The following RMND5B variants were observed in gnomAD, a reference collection of about 807,000 sequenced individuals.
RMND5B encodes E3 ubiquitin-protein transferase RMND5B.
In RMND5B, 42 loss-of-function variants were observed where a neutral mutation model predicts 50.4. That is an observed-to-expected ratio of 0.83 (90% CI 0.65 to 1.08). The LOEUF (loss-of-function observed/expected upper bound fraction) is 1.08. Ranked by LOEUF, RMND5B falls within the 50% of genes least tolerant of loss-of-function variation. The pLI is 0.00. For synonymous variants in RMND5B, 220 were observed against 210.0 expected (o/e 1.05, Z -0.41); for missense variants, 463 against 508.5 (o/e 0.91, Z 0.86).
At chr5:178,131,409 G>C (rs139878385) in intron 2 of RMND5B, 33 bp downstream of exon 2, 1 of 152,344 alleles carries the variant, frequency 6.6e-6, no homozygotes, top group African/African-American at 2.4e-5. Flanking sequence ...CTATGGAGCA[G>C]GGTCTTTGGA....
intron 2 of RMND5B, chr5:178,135,204 G>A (rs1441506082): frequency 9.7e-6 from 2 of 206,092 alleles, no homozygotes; most frequent in Non-Finnish European, 2.1e-5. Flanking sequence ...GGAATGCAGT[G>A]GCATAATCAT....
chr5:178,132,561 G>A (rs1758373656), intron 2 of RMND5B, among the ~76,000 whole-genome samples: 1 of 151,730 alleles, frequency 6.6e-6, no homozygotes, highest in Non-Finnish European at 1.5e-5. Flanking sequence ...ACTTACATGT[G>A]TCATGAACTC....
chr5:178,144,739 G>T (rs998762050), intron 7 of RMND5B, among the ~76,000 whole-genome samples: 2 of 110,850 alleles, frequency 1.8e-5, no homozygotes, highest in African/African-American at 3.7e-5. Flanking sequence ...AAAAAGACTT[G>T]TCTGGGTGCG....
chr5:178,135,770 C>T (rs1054861984), intron 2 of RMND5B, among the ~76,000 whole-genome samples: 8 of 152,132 alleles, frequency 5.3e-5, no homozygotes, highest in South Asian at 2.1e-4. Flanking sequence ...TTTGATAAGC[C>T]TGGTAGCTCT....
rs780962604 is a variant in RMND5B, at chr5:178,147,779, C to T, written c.1014C>T (p.Cys338=). Residue 338 remains cysteine, a synonymous_variant, in exon 10 of 11, where the codon TGC becomes TGT. Coordinates refer to ENST00000313386, the MANE Select transcript of RMND5B (RefSeq NM_022762.5). ...MKCWYHSVFA[C]PILRQQTSDS... ...GCTGGTACCACTCCGTGTTCGCTTG[C>T]CCCATCCTCCGCCAGCAGACGTCAG... 5.0e-6 allele frequency: 8 copies of T among 1,614,078 alleles called. No individual in the cohort carries two copies. The highest frequency in any genetic ancestry group is 1.7e-5 in the Admixed American group (1 of 59,998).
rs948141416 is a variant in RMND5B, at chr5:178,137,808, A to G, written c.-12-300A>G. On this transcript the variant is annotated intron_variant, in intron 2 of 10. Coordinates refer to ENST00000313386, the MANE Select transcript of RMND5B (RefSeq NM_022762.5). This position sits in a 1 kb window ranked among gnomAD's most constrained non-coding sequence, Gnocchi z 4.4. ...CTCTCTATTCTGATTTAAAAGGGAG[A>G]TGAACAAAAATTAAGGCATGAAAAG... Among the ~76,000 whole-genome samples, 3 of 152,120 alleles carry G rather than the reference A, an allele frequency of 2.0e-5. No individual in the cohort carries two copies. Among genetic ancestry groups the G allele is most frequent in the African/African-American group, 7.2e-5 (3 of 41,414 alleles).
rs556863706 is a variant in RMND5B at position 178,148,092 on chromosome 5, C to T, written c.*60C>T. On this transcript the variant is annotated 3_prime_UTR_variant, in exon 11 of 11. Transcript: ENST00000313386. ...TTCACCTGTGAGCCTTGGTCTGTCT[C>T]GGTAGGGTGGTCAACTTCAGTGGAC... 1.2e-4 allele frequency: 191 copies of T among 1,551,078 alleles called. No homozygotes were observed. The highest frequency in any genetic ancestry group is 1.6e-4 in the Non-Finnish European group (175 of 1,123,048).
intron 5 of RMND5B, among the ~76,000 whole-genome samples, chr5:178,143,213 C>T (rs1755783520): frequency 6.6e-6 from 1 of 152,156 alleles, no homozygotes; most frequent in Non-Finnish European, 1.5e-5. Flanking sequence ...TGAGCTGAGG[C>T]CTCATATCCC....
chr5:178,140,323 A>C (rs1581119331), intron 3 of RMND5B, among the ~76,000 whole-genome samples: 1 of 149,250 alleles, frequency 6.7e-6, no homozygotes, highest in Admixed American at 6.8e-5. Context: ...ACAGCAGTAC[A>C]CTACCAGGCC....
chr5:178,143,564 A>G, intron 5 of RMND5B, 63 bp from the exon 6 acceptor site: 1 of 1,271,580 alleles, frequency 7.9e-7, no homozygotes, highest in Non-Finnish European at 1.1e-6. Context: ...TATTATGTGC[A>G]TAGCAGAGAA....
chr5:178,149,741 T>A lies in RMND5B; in HGVS notation c.*1709T>A, dbSNP rs143501297. 47 of 1,613,868 alleles carry A rather than the reference T, an allele frequency of 2.9e-5. No homozygotes were observed. The highest frequency in any genetic ancestry group is 3.9e-5 in the Non-Finnish European group (46 of 1,179,984). ...TAGGGGTAGGGGCAGGGACTGCACC[T>A]CCTCCAGGCACTCATCGTAAGCCTC... On this transcript the variant is annotated 3_prime_UTR_variant, in exon 11 of 11. Transcript: ENST00000313386.
chr5:178,147,510 T>C (rs1265684057), intron 8 of RMND5B, 23 bp from the exon 9 acceptor site: 2 of 1,606,760 alleles, frequency 1.2e-6, no homozygotes, highest in East Asian at 2.2e-5. Context: ...TGAGCCACTC[T>C]AGCCCCTGTT....
At chr5:178,134,681 A>T (rs1289871654) in intron 2 of RMND5B, among the ~76,000 whole-genome samples, 1 of 152,104 alleles carries the variant, frequency 6.6e-6, no homozygotes, top group African/African-American at 2.4e-5. Context: ...ACTTTTAAAA[A>T]TTTGGCCAGG....
intron 3 of RMND5B, among the ~76,000 whole-genome samples, chr5:178,139,215 T>TC (rs1165971862): frequency 4.6e-5 from 7 of 151,792 alleles, no homozygotes; most frequent in Non-Finnish European, 1.0e-4. Context: ...ACATTTCTTT[T>TC]TTTTTTTTTG....
Position 178,150,427 on chromosome 5 carries a change from G to A in RMND5B, c.*2395G>A, listed in dbSNP as rs533145196. ...AGGGCCTCACTCTGTCATGCAGTCT[G>A]GAGTGTGGTGGTGTATGATCATGGC... On this transcript the variant is annotated 3_prime_UTR_variant, in exon 11 of 11. Coordinates refer to ENST00000313386, the MANE Select transcript of RMND5B (RefSeq NM_022762.5). The A allele has an allele frequency of 1.7e-4, 57 of 335,648 alleles. No homozygotes were observed. Among genetic ancestry groups the A allele is most frequent in the African/African-American group, 9.0e-4 (42 of 46,562 alleles). 20.8% of individuals were successfully genotyped at this position (335,648 alleles called of 1,614,324 possible). A position where few individuals can be genotyped will look rare whatever the true frequency, so the allele number is the denominator to read the frequency against.
chr5:178,133,947 T>A (rs1406698913), intron 2 of RMND5B, among the ~76,000 whole-genome samples: 4 of 150,134 alleles, frequency 2.7e-5, no homozygotes, highest in Non-Finnish European at 5.9e-5. Flanking sequence ...TCTCCTGACC[T>A]CATGATCCAC....
chr5:178,138,414 G>T lies in RMND5B; in HGVS notation c.139+156G>T. ...GAAACCGGGTAATGACAGTCTCTGA[G>T]CTACTTCAAAAAGCCCAACAAATTA... On this transcript the variant is annotated intron_variant, in intron 3 of 10. Coordinates refer to ENST00000313386, the MANE Select transcript of RMND5B (RefSeq NM_022762.5). This position sits in a 1 kb window ranked among gnomAD's most constrained non-coding sequence, Gnocchi z 5.1. The T allele has an allele frequency of 7.2e-7, 1 of 1,395,038 alleles. No homozygotes were observed. The highest frequency in any genetic ancestry group is 9.3e-7 in the Non-Finnish European group (1 of 1,079,000). The allele number at this position is 1,395,038 out of a possible 1,614,324, so 86.4% of individuals were successfully genotyped here.
Position 178,150,081 on chromosome 5 carries a change from A to T in RMND5B, c.*2049A>T. The T allele has an allele frequency of 4.8e-6, 2 of 420,286 alleles. No homozygotes were observed. Among genetic ancestry groups the T allele is most frequent in the South Asian group, 5.1e-5 (2 of 39,592 alleles). 26.0% of individuals were successfully genotyped at this position (420,286 alleles called of 1,614,324 possible). The stretch of plus-strand genomic sequence containing the variant: ...AACTATGAAAGGGCTCCAGCCCAGC[A>T]GGGGCTGTCCCGGTCCCTGCCACCC... On this transcript the variant is annotated 3_prime_UTR_variant, in exon 11 of 11. Transcript: ENST00000313386.
chr5:178,131,843 G>C lies in RMND5B; in HGVS notation c.-13+467G>C, dbSNP rs1457928186. Among the ~76,000 whole-genome samples the C allele has an allele frequency of 2.6e-5, 4 of 152,178 alleles. No individual in the cohort carries two copies. The East Asian group carries it at 7.7e-4, about 29-fold the overall frequency. On this transcript the variant is annotated intron_variant, in intron 2 of 10. Transcript: ENST00000313386. Reference sequence around the variant, plus strand: ...AGCAAGCTAGTGTGGCTAAAGTATGGTAAGAAAGGGAAAGAGTGGTAGGAG... The same window carrying C: ...AGCAAGCTAGTGTGGCTAAAGTATGCTAAGAAAGGGAAAGAGTGGTAGGAG...
Sources: allele counts gnomAD v4.1 joint callset (sites outside exome capture counted in the v4.1 genomes callset), GRCh38; gene constraint gnomAD v4.1.1; non-coding constraint Gnocchi (gnomAD v3.1); transcripts MANE v1.5; gene names NCBI Gene and HGNC (gene_info 2026-07-23, HGNC 2026-07-21).